Variants in ADCY8 observed in about 807,000 individuals in gnomAD.
ADCY8 encodes the protein adenylate cyclase 8.
A neutral mutation model predicts 119.7 loss-of-function variants in ADCY8; 51 were observed. That is an observed-to-expected ratio of 0.43 (90% CI 0.34 to 0.54). The LOEUF is 0.54. Ranked by LOEUF, ADCY8 falls within the 20% of genes least tolerant of loss-of-function variation. The pLI, the probability that ADCY8 is intolerant of heterozygous loss-of-function variation, is 0.03. For missense variants in ADCY8, 1,383 were observed against 1,598.8 expected (o/e 0.87, Z 2.30); for synonymous variants, 665 against 651.0 (o/e 1.02, Z -0.33).
At chr8:131,010,687 A>T (rs1823272273) in intron 1 of ADCY8, among the ~76,000 whole-genome samples, 1 of 152,204 alleles carries the variant, frequency 6.6e-6, no homozygotes, top group South Asian at 2.1e-4. Context: ...GAAGATGAGG[A>T]TCTATAGTGT....
chr8:130,814,027 A>G (rs1209894340), intron 14 of ADCY8, 42 bp downstream of exon 14: 2 of 1,609,662 alleles, frequency 1.2e-6, no homozygotes, highest in East Asian at 2.2e-5. Context: ...CACATCACCC[A>G]CCACCACCCT....
chr8:130,860,480 T>G (rs895232143), intron 9 of ADCY8, among the ~76,000 whole-genome samples: 2 of 152,206 alleles, frequency 1.3e-5, no homozygotes, highest in African/African-American at 4.8e-5. Flanking sequence ...ATCACCAAAT[T>G]CAAAACCAAA....
chr8:130,962,566 A>G (rs1489354727), intron 2 of ADCY8, among the ~76,000 whole-genome samples: 3 of 152,218 alleles, frequency 2.0e-5, no homozygotes, highest in Admixed American at 2.0e-4. Flanking sequence ...AGTCGTCAAA[A>G]TGGTTTTACA....
intron 14 of ADCY8, among the ~76,000 whole-genome samples, chr8:130,807,278 A>G (rs1412351315): frequency 1.3e-5 from 2 of 152,178 alleles, no homozygotes; most frequent in Non-Finnish European, 2.9e-5. Context: ...GGGAGAAACT[A>G]TGTCTGAGAC....
At chr8:130,848,612 G>A (rs1157408927) in intron 10 of ADCY8, among the ~76,000 whole-genome samples, 1 of 152,130 alleles carries the variant, frequency 6.6e-6, no homozygotes, top group Admixed American at 6.5e-5. Flanking sequence ...CTATAGCTTG[G>A]GTCCCTGCAC....
At chr8:131,024,234 G>T (rs528357240) in intron 1 of ADCY8, among the ~76,000 whole-genome samples, 1 of 152,212 alleles carries the variant, frequency 6.6e-6, no homozygotes, top group East Asian at 1.9e-4. Context: ...GCTTGCTATT[G>T]CGTGACATCA....
At chr8:130,967,262 G>A (rs1298201424) in intron 2 of ADCY8, among the ~76,000 whole-genome samples, 2 of 152,148 alleles carry the variant, frequency 1.3e-5, no homozygotes, top group Non-Finnish European at 2.9e-5. Context: ...CAAGGAGGGT[G>A]GAAGTCTGGA....
chr8:131,021,866 G>A (rs1340616322), intron 1 of ADCY8, among the ~76,000 whole-genome samples: 14 of 152,154 alleles, frequency 9.2e-5, no homozygotes, highest in Admixed American at 7.9e-4. Flanking sequence ...TGTCCTTATA[G>A]CTGTGTGAGA....
chr8:130,806,140 C>T (rs1231875737), intron 14 of ADCY8, among the ~76,000 whole-genome samples: 3 of 152,140 alleles, frequency 2.0e-5, no homozygotes, highest in African/African-American at 7.2e-5. Context: ...GCACATGACT[C>T]TGGGCAAGTG....
chr8:130,999,604 A>G (rs1312121218), intron 1 of ADCY8, among the ~76,000 whole-genome samples: 1 of 152,162 alleles, frequency 6.6e-6, no homozygotes, highest in Non-Finnish European at 1.5e-5. Flanking sequence ...AAGTTGCACT[A>G]TATTTTCTTC....
intron 3 of ADCY8, among the ~76,000 whole-genome samples, chr8:130,947,245 T>TAG (rs1563740272): frequency 6.6e-6 from 1 of 152,232 alleles, no homozygotes; most frequent in East Asian, 1.9e-4. Flanking sequence ...GGTCCCTGTG[T>TAG]AGACTCCTCT....
At position 131,039,819 on chromosome 8, in the gene ADCY8, C is replaced by T; in HGVS notation, c.515G>A (p.Arg172His). 6.2e-7 allele frequency: 1 copy of T among 1,614,188 alleles called. No individual in the cohort carries two copies. Among genetic ancestry groups the T allele is most frequent in the Non-Finnish European group, 8.5e-7 (1 of 1,180,034 alleles). Residue 172 changes from arginine to histidine, a missense_variant, in exon 1 of 18, where the codon CGC (arginine) becomes CAC (histidine). By Grantham distance (29) the Arg-to-His change is conservative. Coordinates refer to ENST00000286355, the MANE Select transcript of ADCY8 (RefSeq NM_001115.3). ...KSRDLERLYQ[R>H]YFLGQRRKSE... ...TTTGCGCCTTTGGCCCAAGAAATAGCGCTGGTAGAGGCGTTCCAAATCCCG... is the reference window on the plus strand; with the variant it reads ...TTTGCGCCTTTGGCCCAAGAAATAGTGCTGGTAGAGGCGTTCCAAATCCCG...
intron 12 of ADCY8, among the ~76,000 whole-genome samples, chr8:130,836,011 AATC>A: frequency 6.6e-6 from 1 of 152,256 alleles, no homozygotes; most frequent in East Asian, 1.9e-4. Context: ...AATTTGAAGA[AATC>A]ATAAGTGATC....
chr8:130,833,788 C>G (rs1239090601), intron 12 of ADCY8, among the ~76,000 whole-genome samples: 3 of 152,114 alleles, frequency 2.0e-5, no homozygotes, highest in East Asian at 1.9e-4. Flanking sequence ...TAGGCCTACT[C>G]TTGTTGACAA....
intron 3 of ADCY8, among the ~76,000 whole-genome samples, chr8:130,946,868 C>T (rs944198513): frequency 1.6e-4 from 25 of 152,110 alleles, no homozygotes; most frequent in African/African-American, 5.1e-4. Flanking sequence ...TTAACTGAGC[C>T]GTAGATGATT....
intron 15 of ADCY8, among the ~76,000 whole-genome samples, chr8:130,795,145 C>T (rs998309983): frequency 1.3e-4 from 20 of 152,172 alleles, no homozygotes; most frequent in Non-Finnish European, 2.4e-4. Context: ...AGGCGATGTC[C>T]GCATATACTG....
chr8:131,023,316 C>T (rs1023096), intron 1 of ADCY8, among the ~76,000 whole-genome samples: 104,040 of 152,080 alleles, frequency 0.68, 37,293 homozygotes, highest in African/African-American at 0.91. Flanking sequence ...CACATATGAG[C>T]GTGTTCTTTT....
intron 11 of ADCY8, among the ~76,000 whole-genome samples, chr8:130,846,581 C>CTT (rs1817306442): frequency 1.6e-5 from 2 of 124,148 alleles, no homozygotes; most frequent in African/African-American, 6.9e-5. Flanking sequence ...CCCCTTCTTC[C>CTT]CCTCCCTCCC....
chr8:130,959,295 C>T (rs1821528065), intron 2 of ADCY8, among the ~76,000 whole-genome samples: 1 of 152,092 alleles, frequency 6.6e-6, no homozygotes, highest in African/African-American at 2.4e-5. Context: ...TTGACTTTGC[C>T]ACCAGAAATG....
Sources: allele counts gnomAD v4.1 joint callset (sites outside exome capture counted in the v4.1 genomes callset), GRCh38; gene constraint gnomAD v4.1.1; transcripts MANE v1.5; gene names NCBI Gene and HGNC (gene_info 2026-07-23, HGNC 2026-07-21).